The following CPT1C variants were observed in gnomAD, a reference collection of about 807,000 sequenced individuals.
CPT1C encodes palmitoyl thioesterase CPT1C.
Under a neutral mutation model 97.3 loss-of-function variants are expected in CPT1C, and 61 were observed. That is an observed-to-expected ratio of 0.63 (90% CI 0.51 to 0.78). The LOEUF is 0.78. CPT1C is among the 30% of genes least tolerant of loss of function. The pLI is 0.00. For synonymous variants in CPT1C, 469 were observed against 447.2 expected (o/e 1.05, Z -0.61); for missense variants, 975 against 1,065.5 (o/e 0.92, Z 1.18).
At chr19:49,707,132 G>A (rs1455968091) in intron 12 of CPT1C, among the ~76,000 whole-genome samples, 2 of 152,092 alleles carry the variant, frequency 1.3e-5, no homozygotes, top group African/African-American at 4.8e-5. Context: ...AAAATTAGCT[G>A]GGCATGGTGG....
chr19:49,695,525 T>A (rs181215714), intron 3 of CPT1C, among the ~76,000 whole-genome samples: 1,577 of 150,432 alleles, frequency 0.01, 21 homozygotes, highest in Non-Finnish European at 0.012. Context: ...TCTCAGGTGA[T>A]CCACCCGCCT....
chr19:49,697,183 C>T (rs2123180368), intron 3 of CPT1C, 143 bp from the exon 4 acceptor site: 2 of 1,009,374 alleles, frequency 2.0e-6, no homozygotes, highest in Middle Eastern at 3.2e-4. Context: ...AGGGCAGGAC[C>T]TGGATCTCTC....
intron 10 of CPT1C, among the ~76,000 whole-genome samples, chr19:49,705,575 C>T (rs768786440): frequency 2.6e-5 from 4 of 151,978 alleles, no homozygotes; most frequent in African/African-American, 4.8e-5. Context: ...CCTAGGGCAA[C>T]GTAGTGAGAT....
In CPT1C at chr19:49,711,881, G is replaced by T; in HGVS notation, c.1939G>T (p.Gly647Trp). The T allele has an allele frequency of 1.2e-6, 2 of 1,614,118 alleles. No individual in the cohort carries two copies. Among genetic ancestry groups the T allele is most frequent in the Non-Finnish European group, 1.7e-6 (2 of 1,180,034 alleles). ...HQALLKAAMS[G>W]QGVDRHLFAL... ...GGCTCTGCTGAAGGCAGCCATGAGC[G>T]GGCAGGGAGTTGACCGCCACCTGTT... The change falls in exon 17 of 20, where the codon GGG (glycine) becomes TGG (tryptophan). Residue 647 changes from glycine to tryptophan, a missense_variant. Physicochemically the swap from Gly to Trp is radical, Grantham distance 184 (BLOSUM62 -2). Transcript: ENST00000598293.
At chr19:49,697,672 G>A in intron 4 of CPT1C, 1 of 520,116 alleles carries the variant, frequency 1.9e-6, no homozygotes, top group Non-Finnish European at 3.3e-6. Flanking sequence ...TGGGCATTGG[G>A]AGGCTGAGGT....
chr19:49,710,788 G>A lies in CPT1C; in HGVS notation c.1797G>A (p.Thr599=), dbSNP rs571022138. The change falls in exon 16 of 20, where the codon ACG becomes ACA. Residue 599 remains threonine (T), a synonymous_variant. Transcript: ENST00000598293. ...CTCGCTTATTCCTGGAAGGCCGGACGGAGACGGTGCGGTCTTGCACGAGGG... is the reference window on the plus strand; with the variant it reads ...CTCGCTTATTCCTGGAAGGCCGGACAGAGACGGTGCGGTCTTGCACGAGGG... ...AMTRLFLEGR[T]ETVRSCTREA... The A allele has an allele frequency of 1.5e-5, 24 of 1,613,996 alleles. No homozygotes were observed. Among genetic ancestry groups the A allele is most frequent in the Middle Eastern group, 1.6e-4 (1 of 6,084 alleles).
chr19:49,701,787 A>G (rs1600082148), intron 7 of CPT1C, among the ~76,000 whole-genome samples, 153 bp downstream of exon 7: 1 of 144,044 alleles, frequency 6.9e-6, no homozygotes, highest in Admixed American at 7.4e-5. Context: ...CCCCGCTCAC[A>G]TACATCTATA....
Position 49,702,110 on chromosome 19 carries a change from A to ATATTTATTTATAAATTATAAATATT in CPT1C, c.693+487_693+488insAAATTATAAATATTTATTTATTTAT, listed in dbSNP as rs2083188666. ...ATATTTATTTATAAATTATAAATAT[A>ATATTTATTTATAAATTATAAATATT]TATTTATTTATTTATAAATTATAAA... On this transcript the variant is annotated intron_variant, in intron 7 of 19. Transcript: ENST00000598293. Among the ~76,000 whole-genome samples, 3 of 31,754 alleles carry ATATTTATTTATAAATTATAAATATT rather than the reference A, an allele frequency of 9.4e-5. 1 individual carries two copies. Among genetic ancestry groups the ATATTTATTTATAAATTATAAATATT allele is most frequent in the African/African-American group, 2.3e-4 (3 of 12,870 alleles). 20.8% of individuals were successfully genotyped at this position (31,754 alleles called of 152,430 possible).
rs138771392 is a variant in CPT1C, at chr19:49,700,747, G to A, written c.345G>A (p.Trp115Ter). 3.5e-5 allele frequency: 56 copies of A among 1,612,788 alleles called. No homozygotes were observed. Among genetic ancestry groups the A allele is most frequent in the Non-Finnish European group, 4.3e-5 (51 of 1,180,016 alleles). Residue 115 changes from tryptophan (W) to a stop codon, truncating the protein, a stop_gained, in exon 5 of 20, where the codon TGG (tryptophan) becomes TGA (stop). Coordinates refer to ENST00000598293, the MANE Select transcript of CPT1C (RefSeq NM_001199753.2). LOFTEE classifies it high-confidence loss of function. ...LAAALFASCL[W>*]GALIFTLHVA... ...CCGCGCTGTTTGCCTCGTGTTTGTG[G>A]GGAGCCCTGATCTTCACACTGCACG...
chr19:49,703,992 TACA>T (rs895872564), intron 7 of CPT1C, among the ~76,000 whole-genome samples: 17 of 152,036 alleles, frequency 1.1e-4, no homozygotes, highest in African/African-American at 2.9e-4. Context: ...TTTTTTTATG[TACA>T]ACAACAACAA....
intron 3 of CPT1C, among the ~76,000 whole-genome samples, chr19:49,693,855 G>A (rs1174374940): frequency 3.3e-5 from 5 of 152,008 alleles, no homozygotes; most frequent in Non-Finnish European, 2.9e-5. Context: ...TCAGGAGATC[G>A]AGACCCTTCT....
In CPT1C at chr19:49,701,529, CGAG is replaced by C; in HGVS notation, c.591_593del (p.Glu197del). 1 of 1,611,774 alleles carries C rather than the reference CGAG, an allele frequency of 6.2e-7. No homozygotes were observed. Among genetic ancestry groups the C allele is most frequent in the South Asian group, 1.1e-5 (1 of 90,888 alleles). ...AGTCGGTCCGGCCCATCCTCTCCGA[CGAG>C]GACTTCGACTGGACCGCGGTCCTGG... On this transcript the variant is annotated inframe_deletion, in exon 7 of 20. Transcript: ENST00000598293.
At chr19:49,699,723 A>C (rs2082887696) in intron 4 of CPT1C, among the ~76,000 whole-genome samples, 1 of 151,636 alleles carries the variant, frequency 6.6e-6, no homozygotes, top group Non-Finnish European at 1.5e-5. Flanking sequence ...GGGAGGCCCA[A>C]GTGGGTGGAT....
intron 10 of CPT1C, 118 bp downstream of exon 10, chr19:49,705,416 T>G: frequency 1.2e-6 from 1 of 822,834 alleles, no homozygotes; most frequent in Non-Finnish European, 1.9e-6. Context: ...TGTGACCTTC[T>G]GCACGTTATT....
chr19:49,700,774 G>A lies in CPT1C; in HGVS notation c.372G>A (p.Val124=), dbSNP rs1600070785. 1.9e-6 allele frequency: 3 copies of A among 1,613,342 alleles called. No individual in the cohort carries two copies. Among genetic ancestry groups the A allele is most frequent in the Non-Finnish European group, 2.5e-6 (3 of 1,180,000 alleles). ...LWGALIFTLH[V]ALRLLLSYHG... ...GAGCCCTGATCTTCACACTGCACGT[G>A]GCCCTGAGGCTGCTTCTGTCCTACC... The change falls in exon 5 of 20, where the codon GTG becomes GTA. Residue 124 remains valine, a synonymous_variant. Coordinates refer to ENST00000598293, the MANE Select transcript of CPT1C (RefSeq NM_001199753.2).
intron 1 of CPT1C, 151 bp downstream of exon 1, chr19:49,691,491 G>C (rs1217435405): frequency 6.6e-6 from 1 of 152,128 alleles, no homozygotes; most frequent in African/African-American, 2.4e-5. Context: ...CGCAGTGGGT[G>C]CTTCCTTCCC....
intron 3 of CPT1C, 100 bp from the exon 4 acceptor site, chr19:49,697,226 G>T: frequency 6.7e-7 from 1 of 1,492,636 alleles, no homozygotes; most frequent in South Asian, 1.1e-5. Flanking sequence ...CTCCAGCTCA[G>T]GGCTCCGCAC....
intron 4 of CPT1C, among the ~76,000 whole-genome samples, chr19:49,698,491 C>T (rs371190026): frequency 6.3e-4 from 94 of 149,916 alleles, no homozygotes; most frequent in African/African-American, 2.1e-3. Flanking sequence ...AGTGAAACCC[C>T]GTCTCTACTA....
chr19:49,713,518 A>C lies in CPT1C; in HGVS notation c.2325A>C (p.Ser775=), dbSNP rs1232931784. 3.1e-6 allele frequency: 5 copies of C among 1,614,108 alleles called. No homozygotes were observed. The highest frequency in any genetic ancestry group is 3.3e-4 in the Middle Eastern group (2 of 6,084). Residue 775 remains serine (S), a synonymous_variant, in exon 20 of 20, where the codon TCA becomes TCC. Coordinates refer to ENST00000598293, the MANE Select transcript of CPT1C (RefSeq NM_001199753.2). ...ATTTTAAGCGCCGGTTCAGAGGGTC[A>C]GGGAAGGAGAACTCCAGGCACAGGT... ...GQHFKRRFRG[S]GKENSRHRCG... is the part of the protein sequence containing the mutation.
Sources: gnomAD v4.1 joint callset for allele counts (sites outside exome capture counted in the v4.1 genomes callset) on GRCh38, gnomAD v4.1.1 for gene constraint, MANE v1.5 for transcripts, NCBI Gene and HGNC (gene_info 2026-07-23, HGNC 2026-07-21) for gene names.